The following TEKT3 variants were observed in gnomAD, a reference collection of about 807,000 sequenced individuals.
TEKT3 encodes the protein tektin-3.
TEKT3 carries 49 observed loss-of-function variants against 49.8 expected under a neutral mutation model. That is an observed-to-expected ratio of 0.98 (90% CI 0.78 to 1.25). The LOEUF is 1.25. TEKT3 is among the 50% of genes most tolerant of loss of function. TEKT3 has a pLI of 0.00. For synonymous variants in TEKT3, 225 were observed against 237.2 expected, an observed-to-expected ratio of 0.95 and a Z score of 0.47; for missense variants, 595 against 629.5, an observed-to-expected ratio of 0.95 and a Z score of 0.59.
rs150587576 is a variant in TEKT3 at position 15,331,037 on chromosome 17, C to T, written c.549G>A (p.Arg183=). The T allele has an allele frequency of 1.2e-6, 2 of 1,613,256 alleles. No homozygotes were observed. Among genetic ancestry groups the T allele is most frequent in the East Asian group, 2.2e-5 (1 of 44,884 alleles). Residue 183 remains arginine, a synonymous_variant, in exon 3 of 9, where the codon CGG becomes CGA. Transcript: ENST00000395930. ...ALTDVKKRLE[R]ALMETEAPLQ... is the part of the protein sequence containing the mutation. ...GAGGGGCTTCAGTCTCCATCAAAGC[C>T]CGCTCCAGTCTTTTCTTCACATCAG...
chr17:15,318,687 G>A (rs940406659), intron 5 of TEKT3, among the ~76,000 whole-genome samples: 18 of 152,044 alleles, frequency 1.2e-4, no homozygotes, highest in African/African-American at 4.1e-4. Context: ...ACAGGCACCC[G>A]CCACCATGCC....
At chr17:15,334,627 G>A (rs1010791504) in intron 2 of TEKT3, among the ~76,000 whole-genome samples, 3 of 152,180 alleles carry the variant, frequency 2.0e-5, no homozygotes, top group African/African-American at 7.2e-5. Flanking sequence ...AATTAGAGGT[G>A]AGATTTGTCT....
At chr17:15,305,601 T>C (rs941741336) in intron 8 of TEKT3, among the ~76,000 whole-genome samples, 2 of 152,102 alleles carry the variant, frequency 1.3e-5, no homozygotes, top group Admixed American at 6.5e-5. Flanking sequence ...GTGGATTGTT[T>C]ACAATCACAC....
chr17:15,324,800 C>T (rs1282783320), intron 4 of TEKT3, among the ~76,000 whole-genome samples: 2 of 151,978 alleles, frequency 1.3e-5, no homozygotes, highest in African/African-American at 4.8e-5. Flanking sequence ...TCTGCTTTTC[C>T]TTGTGTTGTT....
At chr17:15,307,275 T>A (rs1030025573) in intron 8 of TEKT3, among the ~76,000 whole-genome samples, 1 of 152,206 alleles carries the variant, frequency 6.6e-6, no homozygotes, top group Non-Finnish European at 1.5e-5. Flanking sequence ...GGTAAATGCA[T>A]TACACAACGT....
intron 4 of TEKT3, among the ~76,000 whole-genome samples, chr17:15,321,865 C>T (rs114855424): frequency 2.6e-5 from 4 of 152,276 alleles, no homozygotes; most frequent in South Asian, 2.1e-4. Context: ...ACTATTTGAG[C>T]GGCTGAAATG....
At chr17:15,329,620 A>C in intron 3 of TEKT3, among the ~76,000 whole-genome samples, 1 of 152,248 alleles carries the variant, frequency 6.6e-6, no homozygotes. Context: ...CAAAAAGATC[A>C]TTAGTGAACT....
Position 15,331,322 on chromosome 17 carries a change from G to A in TEKT3, c.264C>T (p.Thr88=), listed in dbSNP as rs763150269. The A allele has an allele frequency of 1.5e-5, 24 of 1,614,206 alleles. No homozygotes were observed. Among genetic ancestry groups the A allele is most frequent in the Non-Finnish European group, 1.9e-5 (22 of 1,180,054 alleles). ...NTMLPFVSNR[T]TFFTRYTPDD... Reference sequence around the variant, plus strand: ...CCGGTGTGTATCTTGTGAAGAAAGTGGTTCTGTTGGAAACAAAGGGAAGCA... The same window carrying A: ...CCGGTGTGTATCTTGTGAAGAAAGTAGTTCTGTTGGAAACAAAGGGAAGCA... The change falls in exon 3 of 9, where the codon ACC becomes ACT. Residue 88 remains threonine, a synonymous_variant. Transcript: ENST00000395930.
chr17:15,335,547 A>T (rs1911943743), intron 2 of TEKT3, among the ~76,000 whole-genome samples: 1 of 152,218 alleles, frequency 6.6e-6, no homozygotes, highest in Admixed American at 6.5e-5. Flanking sequence ...GCAAAGCTTG[A>T]AAACAGGTCT....
intron 2 of TEKT3, among the ~76,000 whole-genome samples, chr17:15,334,144 C>A (rs1045737915): frequency 3.3e-5 from 5 of 152,134 alleles, no homozygotes; most frequent in African/African-American, 9.7e-5. Context: ...TCACTGCAGC[C>A]TTGAACTCCT....
chr17:15,325,501 T>C (rs1911452376), intron 4 of TEKT3, among the ~76,000 whole-genome samples: 1 of 152,202 alleles, frequency 6.6e-6, no homozygotes, highest in Non-Finnish European at 1.5e-5. Context: ...CTGGGGGATA[T>C]TTTAAAAAGA....
intron 6 of TEKT3, 59 bp downstream of exon 6, chr17:15,314,028 C>A: frequency 1.2e-6 from 2 of 1,609,272 alleles, no homozygotes; most frequent in East Asian, 2.2e-5. Flanking sequence ...TGTGTCCTTT[C>A]GAAAGGAGAA....
chr17:15,334,607 T>A (rs1911909711), intron 2 of TEKT3, among the ~76,000 whole-genome samples: 1 of 152,218 alleles, frequency 6.6e-6, no homozygotes, highest in Non-Finnish European at 1.5e-5. Context: ...CACCTGGTGA[T>A]GTGTTTTTTA....
At chr17:15,325,887 A>C (rs1369070421) in intron 4 of TEKT3, among the ~76,000 whole-genome samples, 2 of 152,210 alleles carry the variant, frequency 1.3e-5, no homozygotes, top group Non-Finnish European at 2.9e-5. Flanking sequence ...CTGGGAAAGA[A>C]GAAACAGAAG....
At chr17:15,323,412 T>C (rs1475447719) in intron 4 of TEKT3, among the ~76,000 whole-genome samples, 2 of 152,150 alleles carry the variant, frequency 1.3e-5, no homozygotes, top group Non-Finnish European at 2.9e-5. Context: ...GCAGGGTAGA[T>C]GACTTTGCAG....
intron 2 of TEKT3, among the ~76,000 whole-genome samples, chr17:15,332,061 C>T (rs1243918171): frequency 6.6e-6 from 1 of 151,398 alleles, no homozygotes; most frequent in Admixed American, 6.6e-5. Flanking sequence ...CACCTGTAAT[C>T]CCATCTACTC....
At chr17:15,334,105 A>T (rs894557329) in intron 2 of TEKT3, among the ~76,000 whole-genome samples, 1 of 152,144 alleles carries the variant, frequency 6.6e-6, no homozygotes, top group South Asian at 2.1e-4. Flanking sequence ...TCTGTTGCCC[A>T]GGCTGGAATG....
At position 15,312,316 on chromosome 17, in the gene TEKT3, G is replaced by C; in HGVS notation, c.1044C>G (p.Thr348=). The change falls in exon 7 of 9, where the codon ACC becomes ACG. Residue 348 remains threonine (T), a synonymous_variant. Coordinates refer to ENST00000395930, the MANE Select transcript of TEKT3 (RefSeq NM_031898.3). ...NQFNKVNLSF[T]NRIAETADAK... is the part of the protein sequence containing the mutation. ...CATCTGCAGTCTCAGCAATGCGATT[G>C]GTGAAAGACAAGTTCACTTTGTTGA... The C allele has an allele frequency of 6.2e-7, 1 of 1,614,198 alleles. No homozygotes were observed. The highest frequency in any genetic ancestry group is 8.5e-7 in the Non-Finnish European group (1 of 1,180,044).
At chr17:15,325,707 C>A (rs190260584) in intron 4 of TEKT3, among the ~76,000 whole-genome samples, 448 of 152,234 alleles carry the variant, frequency 2.9e-3, no homozygotes, top group African/African-American at 0.011. Flanking sequence ...TGTTTGTGGG[C>A]AAGGTGATGA....
Sources: allele counts gnomAD v4.1 joint callset (sites outside exome capture counted in the v4.1 genomes callset), GRCh38; gene constraint gnomAD v4.1.1; transcripts MANE v1.5; gene names NCBI Gene and HGNC (gene_info 2026-07-23, HGNC 2026-07-21).